The following BAZ2B variants were observed in gnomAD, a reference collection of about 807,000 sequenced individuals.
BAZ2B encodes the protein bromodomain adjacent to zinc finger domain 2B.
Under a neutral mutation model 246.0 loss-of-function variants are expected in BAZ2B, and 91 were observed. That is an observed-to-expected ratio of 0.37 (90% CI 0.31 to 0.44). BAZ2B has a LOEUF of 0.44. BAZ2B is among the 20% of genes least tolerant of loss of function. The probability of loss-of-function intolerance (pLI) is 1.00; values close to 1 mark genes in which losing one functional copy is unlikely to be tolerated. For synonymous variants in BAZ2B, 855 were observed against 860.0 expected (o/e 0.99, Z 0.10); for missense variants, 2,332 against 2,533.7 (o/e 0.92, Z 1.71).
rs548366433 is a variant in BAZ2B at position 159,370,567 on chromosome 2, T to G, written c.4213+2478A>C. Among the ~76,000 whole-genome samples the G allele has an allele frequency of 8.3e-4, 125 of 151,422 alleles. 1 individual carries two copies. Among genetic ancestry groups the G allele is most frequent in the African/African-American group, 3.0e-3 (123 of 41,224 alleles). On this transcript the variant is annotated intron_variant, in intron 27 of 36. Coordinates refer to ENST00000392783, the MANE Select transcript of BAZ2B (RefSeq NM_013450.4). ...TTTTGTATTTTTAGTAGAGACGGGG[T>G]TTCACCACGTTAACCAGGATGGTCT...
upstream of BAZ2B, among the ~76,000 whole-genome samples, chr2:159,620,595 A>G (rs1233444036): frequency 6.6e-6 from 1 of 152,220 alleles, no homozygotes; most frequent in Non-Finnish European, 1.5e-5. Flanking sequence ...TCAAATACTG[A>G]GAGCTTACCA....
chr2:159,633,107 A>C, the BAZ2B span, among the ~76,000 whole-genome samples: 1 of 151,708 alleles, frequency 6.6e-6, no homozygotes, highest in Non-Finnish European at 1.5e-5. Context: ...GAATTTATAA[A>C]CTTAGGTATG....
chr2:159,501,658 T>C (rs2081858863), intron 2 of BAZ2B, among the ~76,000 whole-genome samples: 1 of 152,158 alleles, frequency 6.6e-6, no homozygotes, highest in Non-Finnish European at 1.5e-5. Flanking sequence ...TAAAACCATA[T>C]ATACCTAATT....
At chr2:159,380,958 A>T (rs12998544) in intron 25 of BAZ2B, among the ~76,000 whole-genome samples, 93,212 of 151,988 alleles carry the variant, frequency 0.61, 30,957 homozygotes, top group Non-Finnish European at 0.76. Context: ...GCACAAGTAT[A>T]TGCCGAGTTC....
chr2:159,337,523 C>T lies in BAZ2B; in HGVS notation c.5660+44G>A, dbSNP rs1484278921. 1.9e-6 allele frequency: 3 copies of T among 1,613,934 alleles called. No homozygotes were observed. In the South Asian group the frequency reaches 3.3e-5, roughly 18 times the overall value. The stretch of plus-strand genomic sequence containing the variant: ...GGGACAGTAACTGTGCCCACATTAT[C>T]CAGTTTGATCTGAATGGTGGTACTT... On this transcript the variant is annotated intron_variant, in intron 32 of 36. Coordinates refer to ENST00000392783, the MANE Select transcript of BAZ2B (RefSeq NM_013450.4).
the BAZ2B span, among the ~76,000 whole-genome samples, chr2:159,682,755 A>G: frequency 6.6e-6 from 1 of 152,170 alleles, no homozygotes; most frequent in Admixed American, 6.5e-5. Flanking sequence ...CAACTCAATA[A>G]TAGAACACCA....
intron 2 of BAZ2B, among the ~76,000 whole-genome samples, chr2:159,553,024 A>G (rs888723104): frequency 1.2e-4 from 19 of 152,236 alleles, no homozygotes; most frequent in Admixed American, 1.2e-3. Context: ...GTGTGGAGCC[A>G]AAATGTGTAT....
chr2:159,578,406 T>C (rs1685876362), intron 1 of BAZ2B, among the ~76,000 whole-genome samples: 1 of 151,718 alleles, frequency 6.6e-6, no homozygotes, highest in African/African-American at 2.4e-5. Context: ...AGATCCATAA[T>C]GCAGAACAGA....
At chr2:159,347,460 C>G (rs759800250) in intron 31 of BAZ2B, 26 bp downstream of exon 31, 1 of 1,601,950 alleles carries the variant, frequency 6.2e-7, no homozygotes, top group Admixed American at 1.7e-5. Flanking sequence ...ATCCTAAAAA[C>G]ATATTTTATT....
intron 27 of BAZ2B, among the ~76,000 whole-genome samples, chr2:159,371,705 C>T (rs1158793838): frequency 6.6e-6 from 1 of 152,198 alleles, no homozygotes; most frequent in African/African-American, 2.4e-5. Flanking sequence ...TGTAATTCCC[C>T]TGCCAAAATT....
At chr2:159,507,764 C>T (rs966376892) in intron 2 of BAZ2B, among the ~76,000 whole-genome samples, 9 of 152,062 alleles carry the variant, frequency 5.9e-5, no homozygotes, top group African/African-American at 1.9e-4. Context: ...GGTATGATTA[C>T]TTTTAAAAAG....
At chr2:159,602,805 T>C (rs1453876060) in intron 1 of BAZ2B, among the ~76,000 whole-genome samples, 1 of 152,232 alleles carries the variant, frequency 6.6e-6, no homozygotes, top group Non-Finnish European at 1.5e-5. Context: ...TAAAAAAAGC[T>C]GAGGGATGTT....
chr2:159,709,403 C>A, the BAZ2B span, among the ~76,000 whole-genome samples: 2 of 152,098 alleles, frequency 1.3e-5, no homozygotes, highest in Non-Finnish European at 1.5e-5. Flanking sequence ...AGTAGAATGA[C>A]TATAGTTAAC....
At chr2:159,344,806 G>A (rs1035392151) in intron 31 of BAZ2B, among the ~76,000 whole-genome samples, 1 of 151,644 alleles carries the variant, frequency 6.6e-6, no homozygotes, top group African/African-American at 2.4e-5. Flanking sequence ...TCATTCATGT[G>A]GAAGCTTGAA....
rs996484129 is a variant in BAZ2B at position 159,320,055 on chromosome 2, T to C, written c.*210A>G. 2 of 410,818 alleles carry C rather than the reference T, an allele frequency of 4.9e-6. No homozygotes were observed. Among genetic ancestry groups the C allele is most frequent in the Admixed American group, 9.4e-5 (2 of 21,364 alleles). 25.4% of individuals were successfully genotyped at this position (410,818 alleles called of 1,614,324 possible). On this transcript the variant is annotated 3_prime_UTR_variant, in exon 37 of 37. Transcript: ENST00000392783. ...TCCCTGTTCTACCTAAATTAGCTGA[T>C]AAATCACACAAACCAATAACCGAGG...
At chr2:159,694,070 T>C in the BAZ2B span, 1 of 152,146 alleles carries the variant, frequency 6.6e-6, no homozygotes, top group African/African-American at 2.4e-5. Flanking sequence ...AATTTGGAGA[T>C]GGGACCTTTA....
At chr2:159,466,366 T>C (rs997592051) in intron 3 of BAZ2B, among the ~76,000 whole-genome samples, 1 of 152,240 alleles carries the variant, frequency 6.6e-6, no homozygotes, top group Admixed American at 6.5e-5. Context: ...AATTCATCTC[T>C]CCTTCCCTTC....
chr2:159,419,452 G>C (rs548366763), intron 13 of BAZ2B, among the ~76,000 whole-genome samples: 17 of 152,236 alleles, frequency 1.1e-4, no homozygotes, highest in African/African-American at 3.9e-4. Flanking sequence ...TAGTGCCAGA[G>C]GTAGGCAGTG....
intron 24 of BAZ2B, 101 bp from the exon 25 acceptor site, chr2:159,382,903 T>A: frequency 5.6e-6 from 8 of 1,435,742 alleles, no homozygotes; most frequent in Admixed American, 2.3e-5. Context: ...CTTATGGCAT[T>A]TCTTTTGTGT....
Sources: allele counts gnomAD v4.1 joint callset (sites outside exome capture counted in the v4.1 genomes callset), GRCh38; gene constraint gnomAD v4.1.1; transcripts MANE v1.5; gene names NCBI Gene and HGNC (gene_info 2026-07-23, HGNC 2026-07-21).